FAT3: variants seen among roughly 807,000 people sequenced by gnomAD.
FAT3 encodes the protein protocadherin Fat 3.
A neutral mutation model predicts 310.2 loss-of-function variants in FAT3; 95 were observed. That is an observed-to-expected ratio of 0.31 (90% CI 0.26 to 0.36). The LOEUF (loss-of-function observed/expected upper bound fraction) is 0.36, where lower values mean the gene tolerates loss of function less well. Among genes scored for constraint, FAT3 ranks in the 10% least tolerant of loss-of-function variants. The probability of loss-of-function intolerance (pLI) is 1.00; values close to 1 mark genes in which losing one functional copy is unlikely to be tolerated. For synonymous variants in FAT3, 2,314 were observed against 2,192.9 expected (o/e 1.06, Z -1.54); for missense variants, 5,408 against 5,715.6 (o/e 0.95, Z 1.74).
chr11:92,429,561 G>C (rs750304394), intron 2 of FAT3, among the ~76,000 whole-genome samples: 4 of 152,124 alleles, frequency 2.6e-5, no homozygotes, highest in Non-Finnish European at 4.4e-5. Context: ...AGGAGCTCTT[G>C]TAAGGCAGGC....
chr11:92,696,922 A>G lies in FAT3; in HGVS notation c.3608-462A>G, dbSNP rs143489110. On this transcript the variant is annotated intron_variant, in intron 3 of 27. Transcript: ENST00000525166. Reference sequence around the variant, plus strand: ...TATGTGTACAAGTAGCGATTACAACATTCTTTGTCAAGTATAACAAAAATT... The same window carrying G: ...TATGTGTACAAGTAGCGATTACAACGTTCTTTGTCAAGTATAACAAAAATT... Among the ~76,000 whole-genome samples the G allele has an allele frequency of 4.5e-3, 680 of 152,362 alleles. 4 individuals carry two copies. Among genetic ancestry groups the G allele is most frequent in the African/African-American group, 0.016 (651 of 41,590 alleles).
At chr11:92,534,485 A>G (rs1954182780) in intron 3 of FAT3, among the ~76,000 whole-genome samples, 1 of 152,230 alleles carries the variant, frequency 6.6e-6, no homozygotes, top group Non-Finnish European at 1.5e-5. Context: ...ATGATTAAGC[A>G]CACATTCTTT....
intron 10 of FAT3, among the ~76,000 whole-genome samples, chr11:92,802,673 G>T (rs1483337461): frequency 1.3e-5 from 2 of 152,054 alleles, no homozygotes; most frequent in East Asian, 3.9e-4. Context: ...ACTATTTGGG[G>T]GGTGGGTTAA....
At chr11:92,626,605 C>T (rs1231200962) in intron 3 of FAT3, among the ~76,000 whole-genome samples, 1 of 151,970 alleles carries the variant, frequency 6.6e-6, no homozygotes, top group Non-Finnish European at 1.5e-5. Context: ...TTCCAGAAGA[C>T]ACTCAAGTGT....
chr11:92,642,485 T>C (rs1942000082), intron 3 of FAT3, among the ~76,000 whole-genome samples: 2 of 152,240 alleles, frequency 1.3e-5, no homozygotes, highest in African/African-American at 4.8e-5. Context: ...CCCATTCTGC[T>C]AAGTGGATAT....
intron 22 of FAT3, among the ~76,000 whole-genome samples, chr11:92,870,134 A>G (rs1949350319): frequency 6.6e-6 from 1 of 152,218 alleles, no homozygotes; most frequent in African/African-American, 2.4e-5. Flanking sequence ...TCCTGGCGGC[A>G]GACTCCACTC....
At chr11:92,729,150 C>T (rs1413017685) in intron 4 of FAT3, among the ~76,000 whole-genome samples, 1 of 151,986 alleles carries the variant, frequency 6.6e-6, no homozygotes, top group Non-Finnish European at 1.5e-5. Flanking sequence ...GTTGTTTTTT[C>T]CCGACTCTGC....
At chr11:92,754,065 C>A (rs563403664) in intron 4 of FAT3, among the ~76,000 whole-genome samples, 1 of 151,910 alleles carries the variant, frequency 6.6e-6, no homozygotes, top group Admixed American at 6.6e-5. Flanking sequence ...CACCAACATC[C>A]CACAAGTCAC....
intron 4 of FAT3, among the ~76,000 whole-genome samples, chr11:92,729,850 A>C (rs1945123735): frequency 6.6e-6 from 1 of 152,186 alleles, no homozygotes; most frequent in African/African-American, 2.4e-5. Flanking sequence ...ACATTTTTAA[A>C]CATTCATTTA....
chr11:92,455,789 T>A (rs1311648089), intron 2 of FAT3, among the ~76,000 whole-genome samples: 1 of 152,210 alleles, frequency 6.6e-6, no homozygotes, highest in Non-Finnish European at 1.5e-5. Context: ...AAAAAGCCAG[T>A]ATCTGATGCA....
intron 4 of FAT3, among the ~76,000 whole-genome samples, chr11:92,735,058 A>G (rs1945301414): frequency 6.6e-6 from 1 of 152,146 alleles, no homozygotes; most frequent in Non-Finnish European, 1.5e-5. Flanking sequence ...TAAACAGGCA[A>G]AGAGGATTCT....
At chr11:92,797,557 T>G (rs1281194629) in intron 9 of FAT3, among the ~76,000 whole-genome samples, 2 of 152,222 alleles carry the variant, frequency 1.3e-5, no homozygotes, top group Non-Finnish European at 2.9e-5. Context: ...ATTTCCCAAC[T>G]TGAATGCACA....
At chr11:92,425,616 A>G (rs1181016746) in intron 2 of FAT3, among the ~76,000 whole-genome samples, 1 of 151,722 alleles carries the variant, frequency 6.6e-6, no homozygotes, top group Non-Finnish European at 1.5e-5. Flanking sequence ...ACTCCCACTT[A>G]TTAGTGAGAA....
At chr11:92,482,389 T>C (rs530075694) in intron 2 of FAT3, among the ~76,000 whole-genome samples, 1 of 152,294 alleles carries the variant, frequency 6.6e-6, no homozygotes, top group South Asian at 2.1e-4. Flanking sequence ...CATGCAGTGC[T>C]CAGCACTTTT....
At chr11:92,573,848 A>T (rs1032862881) in intron 3 of FAT3, among the ~76,000 whole-genome samples, 5 of 152,088 alleles carry the variant, frequency 3.3e-5, no homozygotes, top group Admixed American at 2.6e-4. Flanking sequence ...GAGAAAAAAA[A>T]TGTATGTTGT....
At chr11:92,503,852 A>G (rs1266483760) in intron 2 of FAT3, among the ~76,000 whole-genome samples, 1 of 152,120 alleles carries the variant, frequency 6.6e-6, no homozygotes, top group East Asian at 1.9e-4. Context: ...TATACCTTAG[A>G]TGGATTACAG....
At chr11:92,509,497 A>G (rs1953220968) in intron 2 of FAT3, among the ~76,000 whole-genome samples, 1 of 152,218 alleles carries the variant, frequency 6.6e-6, no homozygotes, top group South Asian at 2.1e-4. Context: ...TAAACATCAC[A>G]TGAATATTTC....
At chr11:92,646,755 A>G (rs1306776450) in intron 3 of FAT3, among the ~76,000 whole-genome samples, 1 of 152,300 alleles carries the variant, frequency 6.6e-6, no homozygotes, top group Middle Eastern at 3.4e-3. Flanking sequence ...CAAAAAAGGA[A>G]CATTTTGCTT....
At chr11:92,648,551 C>T (rs1398378538) in intron 3 of FAT3, among the ~76,000 whole-genome samples, 1 of 152,222 alleles carries the variant, frequency 6.6e-6, no homozygotes. Flanking sequence ...CAGAACAACA[C>T]TGCAGTACCT....
Sources: gnomAD v4.1 joint callset for allele counts (sites outside exome capture counted in the v4.1 genomes callset) on GRCh38, gnomAD v4.1.1 for gene constraint, MANE v1.5 for transcripts, NCBI Gene and HGNC (gene_info 2026-07-23, HGNC 2026-07-21) for gene names.